The following SLC44A2 variants were observed in gnomAD, a reference collection of about 807,000 sequenced individuals.
SLC44A2 encodes the protein choline transporter-like protein 2.
A neutral mutation model predicts 90.8 loss-of-function variants in SLC44A2; 57 were observed. That is an observed-to-expected ratio of 0.63 (90% CI 0.51 to 0.78). The LOEUF (loss-of-function observed/expected upper bound fraction) is 0.78, where lower values mean the gene tolerates loss of function less well. SLC44A2 is among the 30% of genes least tolerant of loss of function. The pLI, the probability that SLC44A2 is intolerant of heterozygous loss-of-function variation, is 0.00. For missense variants in SLC44A2, 794 were observed against 919.7 expected (o/e 0.86, Z 1.77); for synonymous variants, 355 against 360.7 (o/e 0.98, Z 0.18).
In SLC44A2 at chr19:10,642,357, C is replaced by G; in HGVS notation, c.1930-10C>G. ...CACGGAGCAGGGACAGCTCGTTTCT[C>G]CTTGCCCAGACGGTGATCGTTGGCT... On this transcript the variant is annotated splice_polypyrimidine_tract_variant and intron_variant, in intron 20 of 21. Coordinates refer to ENST00000335757, the MANE Select transcript of SLC44A2 (RefSeq NM_020428.4). 1 of 1,613,806 alleles carries G rather than the reference C, an allele frequency of 6.2e-7. No individual in the cohort carries two copies. Among genetic ancestry groups the G allele is most frequent in the Non-Finnish European group, 8.5e-7 (1 of 1,179,788 alleles).
chr19:10,630,173 A>C (rs1280720042), intron 4 of SLC44A2, among the ~76,000 whole-genome samples: 2 of 151,718 alleles, frequency 1.3e-5, no homozygotes, highest in African/African-American at 4.8e-5. Context: ...AACATGGTGA[A>C]ATTCTGTCGC....
At position 10,637,903 on chromosome 19, in the gene SLC44A2, C is replaced by T. The variant is rs139709421; in HGVS notation, c.1743C>T (p.Phe581=). 3 of 1,614,168 alleles carry T rather than the reference C, an allele frequency of 1.9e-6. No individual in the cohort carries two copies. The highest frequency in any genetic ancestry group is 2.5e-6 in the Non-Finnish European group (3 of 1,180,036). Residue 581 remains phenylalanine (F), a synonymous_variant, in exon 18 of 22, where the codon TTC becomes TTT. Coordinates refer to ENST00000335757, the MANE Select transcript of SLC44A2 (RefSeq NM_020428.4). The part of the protein sequence containing the change: ...TNFCTSARNA[F]FLLMRNIIRV... ...TCTGCACCTCGGCCAGGAATGCCTT[C>T]TTCCTGCTCATGAGAAACATCATCA...
At chr19:10,636,215 G>A in intron 14 of SLC44A2, 108 bp from the exon 15 acceptor site, 1 of 1,301,276 alleles carries the variant, frequency 7.7e-7, no homozygotes, top group African/African-American at 1.5e-5. Context: ...CAATCCCTAT[G>A]TCTCCTGTCC....
At chr19:10,632,287 A>C (rs2067005487) in intron 10 of SLC44A2, 131 bp downstream of exon 10, 1 of 734,172 alleles carries the variant, frequency 1.4e-6, no homozygotes. Flanking sequence ...CTGTAATCCC[A>C]GCACTTTGGG....
chr19:10,627,869 G>C (rs765199659), intron 3 of SLC44A2, 51 bp from the exon 4 acceptor site: 1 of 1,611,896 alleles, frequency 6.2e-7, no homozygotes, highest in Non-Finnish European at 8.5e-7. Flanking sequence ...GTGGGAACAG[G>C]GCTGGATCTG....
upstream of SLC44A2, among the ~76,000 whole-genome samples, chr19:10,622,731 T>C (rs2144832700): frequency 6.6e-6 from 1 of 151,796 alleles, no homozygotes; most frequent in African/African-American, 2.4e-5. Flanking sequence ...CGAGACCCTG[T>C]CTCTACTAAA....
At chr19:10,633,913 G>A (rs1043506604) in intron 10 of SLC44A2, among the ~76,000 whole-genome samples, 6 of 151,352 alleles carry the variant, frequency 4.0e-5, no homozygotes, top group East Asian at 2.0e-4. Context: ...AGAGGTGGGC[G>A]GATCACCTGA....
Position 10,631,146 on chromosome 19 carries a change from C to T in SLC44A2, c.330+5C>T. Reference sequence around the variant, plus strand: ...TTCCAATGTCCCACTCCCCAGGTAACCTGGTCCCCACCGTTCCCTTTTTCC... The same window carrying T: ...TTCCAATGTCCCACTCCCCAGGTAATCTGGTCCCCACCGTTCCCTTTTTCC... On this transcript the variant is annotated splice_donor_5th_base_variant and intron_variant, in intron 5 of 21. Coordinates refer to ENST00000335757, the MANE Select transcript of SLC44A2 (RefSeq NM_020428.4). 1 of 1,613,492 alleles carries T rather than the reference C, an allele frequency of 6.2e-7. No individual in the cohort carries two copies. Among genetic ancestry groups the T allele is most frequent in the Non-Finnish European group, 8.5e-7 (1 of 1,179,532 alleles).
chr19:10,610,637 T>C (rs1918271058), intron 1 of SLC44A2, among the ~76,000 whole-genome samples: 1 of 92,242 alleles, frequency 1.1e-5, no homozygotes. Flanking sequence ...CTGGCTTTTT[T>C]TTTTTTTTTT....
At chr19:10,621,363 A>G (rs996436228), upstream of SLC44A2, among the ~76,000 whole-genome samples, 9 of 151,752 alleles carry the variant, frequency 5.9e-5, no homozygotes, top group African/African-American at 9.7e-5. Context: ...AAAAAGAAAA[A>G]AAAAATGAAA....
Position 10,637,654 on chromosome 19 carries a change from C to T in SLC44A2, c.1602C>T (p.Asn534=). The part of the protein sequence containing the change: ...YLDQRLKAAE[N]KFAKCLMTCL... ...TCCCTTCTCTTCCAGCTGCAGAGAA[C>T]AAGTTTGCCAAGTGCCTCATGACCT... Residue 534 remains asparagine, a synonymous_variant, in exon 17 of 22, where the codon AAC becomes AAT. Transcript: ENST00000335757. 1 of 1,614,120 alleles carries T rather than the reference C, an allele frequency of 6.2e-7. No homozygotes were observed. Among genetic ancestry groups the T allele is most frequent in the East Asian group, 2.2e-5 (1 of 44,872 alleles).
chr19:10,617,726 G>A (rs1035402899), intron 1 of SLC44A2, among the ~76,000 whole-genome samples: 2 of 152,106 alleles, frequency 1.3e-5, no homozygotes, highest in African/African-American at 2.4e-5. Flanking sequence ...TCTGAGCCTC[G>A]GTTCTCTCTC....
rs767532995 is a variant in SLC44A2 at position 10,636,767 on chromosome 19, C to A, written c.1591+11C>A. 1 of 1,611,158 alleles carries A rather than the reference C, an allele frequency of 6.2e-7. No homozygotes were observed. The highest frequency in any genetic ancestry group is 8.5e-7 in the Non-Finnish European group (1 of 1,178,644). ...ATCAGCGGCTGAAAGGTACGTCCCA[C>A]CCACGGTTCGCATTAGCTCCTGTTG... On this transcript the variant is annotated intron_variant, in intron 16 of 21. Transcript: ENST00000335757.
chr19:10,620,763 A>T (rs2066889857), upstream of SLC44A2, among the ~76,000 whole-genome samples: 1 of 151,996 alleles, frequency 6.6e-6, no homozygotes, highest in African/African-American at 2.4e-5. Context: ...AGCAAAATGT[A>T]TCACATCTGT....
chr19:10,638,309 TATACTGGTATGGACCTCTGGG>T lies in SLC44A2; in HGVS notation c.1924_1929+15del. ...CACCCCTCAATTATTACTGGGTTCC[TATACTGGTATGGACCTCTGGG>T]GAGAGATGGGGGTTTGGGAAGAAAG... On this transcript the variant is annotated splice_donor_variant and splice_donor_5th_base_variant and coding_sequence_variant and intron_variant, in exon 20 of 22. Transcript: ENST00000335757. LOFTEE classifies it high-confidence loss of function. The T allele has an allele frequency of 1.2e-6, 2 of 1,613,698 alleles. No homozygotes were observed. The highest frequency in any genetic ancestry group is 1.7e-6 in the Non-Finnish European group (2 of 1,179,580).
At position 10,637,935 on chromosome 19, in the gene SLC44A2, GA is replaced by G. The variant is rs760902411; in HGVS notation, c.1769+8del. The G allele has an allele frequency of 1.2e-6, 2 of 1,614,074 alleles. No individual in the cohort carries two copies. Among genetic ancestry groups the G allele is most frequent in the Admixed American group, 3.3e-5 (2 of 59,988 alleles). ...CTCATGAGAAACATCATCAGGTCGG[GA>G]ATCATTATCATCTTCCTCCTGCCAC... is the stretch of plus-strand genomic sequence containing the variant. On this transcript the variant is annotated splice_region_variant and intron_variant, in intron 18 of 21. Coordinates refer to ENST00000335757, the MANE Select transcript of SLC44A2 (RefSeq NM_020428.4).
intron 2 of SLC44A2, among the ~76,000 whole-genome samples, chr19:10,626,966 C>T (rs1258095718): frequency 4.0e-5 from 6 of 149,718 alleles, no homozygotes; most frequent in Admixed American, 1.3e-4. Flanking sequence ...GCTGAGATTG[C>T]GCCACTGCAC....
chr19:10,640,969 C>T (rs1315236416), intron 20 of SLC44A2: 5 of 300,794 alleles, frequency 1.7e-5, no homozygotes, highest in Non-Finnish European at 6.5e-6. Context: ...CACCTGTAGT[C>T]CCAGCTACTC....
upstream of SLC44A2, among the ~76,000 whole-genome samples, chr19:10,622,770 C>T (rs115456486): frequency 9.5e-3 from 1,450 of 152,058 alleles, 22 homozygotes; most frequent in African/African-American, 0.033. Context: ...AGTGTGGTGG[C>T]GCGTGCCTGT....
Sources: gnomAD v4.1 joint callset for allele counts (sites outside exome capture counted in the v4.1 genomes callset) on GRCh38, gnomAD v4.1.1 for gene constraint, MANE v1.5 for transcripts, NCBI Gene and HGNC (gene_info 2026-07-23, HGNC 2026-07-21) for gene names.